FAAH2: variants seen among roughly 807,000 people sequenced by gnomAD.
FAAH2 encodes the protein fatty-acid amide hydrolase 2.
In FAAH2, 60 loss-of-function variants were observed where a neutral mutation model predicts 36.9. The ratio of observed to expected loss-of-function variants is 1.63; its 90% CI spans 1.32 to 2.02. FAAH2 has a LOEUF of 2.02. FAAH2 is among the 30% of genes most tolerant of loss of function. The probability of loss-of-function intolerance (pLI) is 0.00; values close to 1 mark genes in which losing one functional copy is unlikely to be tolerated. For synonymous variants in FAAH2, 214 were observed against 143.8 expected, an observed-to-expected ratio of 1.49 and a Z score of -3.49; for missense variants, 689 against 397.5, an observed-to-expected ratio of 1.73 and a Z score of -6.23.
At chrX:57,258,881 T>A in the FAAH2 span, among the ~76,000 whole-genome samples, 2 of 95,718 alleles carry the variant, frequency 2.1e-5, no homozygotes, top group Middle Eastern at 4.9e-3. Flanking sequence ...GCTAATTTTG[T>A]TTTTTTTTTT....
chrX:57,408,412 C>A (rs1277040542), intron 7 of FAAH2, among the ~76,000 whole-genome samples: 2 of 110,659 alleles, frequency 1.8e-5, no homozygotes, highest in Non-Finnish European at 3.8e-5. Flanking sequence ...CATTTTAATT[C>A]TATTGTAAAT....
At chrX:57,248,803 T>C in the FAAH2 span, among the ~76,000 whole-genome samples, 1 of 100,472 alleles carries the variant, frequency 1.0e-5, no homozygotes, top group Admixed American at 1.1e-4. Context: ...TCTTTTTTTT[T>C]TTTTTTTTTT....
rs185968035 is a variant in FAAH2 at position 57,451,633 on chromosome X, G to A, written c.1423+2915G>A. ...GGTCCACGCAGTACGAACCCCATGA[G>A]CAATAGAACAGAAAAACACACAGGA... On this transcript the variant is annotated intron_variant, in intron 10 of 10. Transcript: ENST00000374900. Among the ~76,000 whole-genome samples, 9 of 111,454 alleles carry A rather than the reference G, an allele frequency of 8.1e-5. No individual in the cohort carries two copies. The East Asian group carries it at 1.4e-3, about 17-fold the overall frequency.
intron 7 of FAAH2, chrX:57,394,077 C>G: frequency 1.4e-6 from 1 of 726,398 alleles, no homozygotes; most frequent in Admixed American, 2.2e-5. Flanking sequence ...ATAGCCGCAG[C>G]AACAAGGTTA....
At chrX:57,179,494 T>C in the FAAH2 span, among the ~76,000 whole-genome samples, 2 of 111,617 alleles carry the variant, frequency 1.8e-5, no homozygotes, top group Non-Finnish European at 3.8e-5. Context: ...CAAAACAGAC[T>C]TTAAACCAAC....
chrX:57,287,092 G>A, intron 1 of FAAH2, 75 bp downstream of exon 1: 5 of 1,037,370 alleles, frequency 4.8e-6, no homozygotes, highest in Non-Finnish European at 6.3e-6. Flanking sequence ...GGTGGCGGTG[G>A]TTGTGGTTTC....
the FAAH2 span, among the ~76,000 whole-genome samples, chrX:57,139,122 G>C: frequency 2.9e-4 from 32 of 112,116 alleles, 1 homozygote; most frequent in South Asian, 0.012. Flanking sequence ...TCAAGAAATC[G>C]TTGCTCAGAC....
chrX:57,381,480 T>A, intron 7 of FAAH2: 1 of 587,328 alleles, frequency 1.7e-6, no homozygotes, highest in South Asian at 8.7e-5. Flanking sequence ...AGAAGAATAA[T>A]AAGGGGAACA....
Position 57,488,893 on chromosome X carries a change from G to T in FAAH2, c.1560G>T (p.Glu520Asp). The change falls in exon 11 of 11, where the codon GAG becomes GAT. Residue 520 changes from glutamate (E) to aspartate (D), a missense_variant. Physicochemically the swap from Glu to Asp is conservative, Grantham distance 45. Coordinates refer to ENST00000374900, the MANE Select transcript of FAAH2 (RefSeq NM_174912.4). ...CCCTGGCTGTGGCCCAGTACTTGGA[G>T]AAAACTTTTGGGGGCTGGGTCTGTC... ...HLTLAVAQYL[E>D]KTFGGWVCPG... 1 of 1,210,932 alleles carries T rather than the reference G, an allele frequency of 8.3e-7. No homozygotes were observed. The highest frequency in any genetic ancestry group is 1.1e-6 in the Non-Finnish European group (1 of 895,337).
the FAAH2 span, among the ~76,000 whole-genome samples, chrX:57,151,343 T>A: frequency 8.9e-6 from 1 of 112,218 alleles, no homozygotes; most frequent in East Asian, 2.8e-4. Context: ...CTGGATAATA[T>A]CCTGCAGAGT....
intron 5 of FAAH2, among the ~76,000 whole-genome samples, chrX:57,358,276 ATACTT>A (rs2054208569): frequency 9.0e-6 from 1 of 110,702 alleles, no homozygotes; most frequent in South Asian, 3.8e-4. Flanking sequence ...TTTGGGCACA[ATACTT>A]TACAGCAGAT....
At chrX:57,279,620 C>T in the FAAH2 span, among the ~76,000 whole-genome samples, 3 of 111,126 alleles carry the variant, frequency 2.7e-5, no homozygotes, top group Admixed American at 2.9e-4. Flanking sequence ...AGAACCACAA[C>T]AAAAAAAGAA....
intron 8 of FAAH2, among the ~76,000 whole-genome samples, chrX:57,440,467 G>A (rs1451992063): frequency 2.7e-5 from 3 of 111,824 alleles, no homozygotes; most frequent in African/African-American, 3.3e-5. Context: ...CTGAGACTTT[G>A]CTGAAGTTGC....
intron 3 of FAAH2, among the ~76,000 whole-genome samples, chrX:57,311,968 G>T (rs1183364609): frequency 1.8e-5 from 2 of 112,293 alleles, no homozygotes; most frequent in African/African-American, 6.5e-5. Context: ...ACTGAGAAGG[G>T]AGAGATGCAT....
chrX:57,479,187 T>A (rs1212284175), intron 10 of FAAH2, among the ~76,000 whole-genome samples: 1 of 111,522 alleles, frequency 9.0e-6, no homozygotes, highest in Non-Finnish European at 1.9e-5. Flanking sequence ...GTAGTTCTCC[T>A]TGAAGAGGTC....
At chrX:57,217,733 C>A in the FAAH2 span, among the ~76,000 whole-genome samples, 1 of 111,692 alleles carries the variant, frequency 9.0e-6, no homozygotes, top group East Asian at 2.8e-4. Context: ...CAGATTTGTT[C>A]TTTTTGCTTA....
At chrX:57,485,913 T>C (rs1480361970) in intron 10 of FAAH2, among the ~76,000 whole-genome samples, 2 of 112,013 alleles carry the variant, frequency 1.8e-5, no homozygotes, top group Admixed American at 9.5e-5. Context: ...CCTGGGATTT[T>C]TGGTGGACCA....
chrX:57,278,697 G>A, the FAAH2 span, among the ~76,000 whole-genome samples: 4 of 111,308 alleles, frequency 3.6e-5, no homozygotes, highest in Admixed American at 9.5e-5. Flanking sequence ...AAAAATTTTT[G>A]CAATCTATCC....
the FAAH2 span, among the ~76,000 whole-genome samples, chrX:57,190,722 G>A: frequency 9.1e-6 from 1 of 110,318 alleles, no homozygotes; most frequent in Non-Finnish European, 1.9e-5. Flanking sequence ...TCCTTGGGAT[G>A]CATCCATTGC....
Sources: allele counts gnomAD v4.1 joint callset (sites outside exome capture counted in the v4.1 genomes callset), GRCh38; gene constraint gnomAD v4.1.1; transcripts MANE v1.5; gene names NCBI Gene and HGNC (gene_info 2026-07-23, HGNC 2026-07-21).